Variants in NPAS1 observed in about 807,000 individuals in gnomAD.
The protein encoded by NPAS1 is neuronal PAS domain-containing protein 1.
In NPAS1, 29 loss-of-function variants were observed where a neutral mutation model predicts 49.2. That is an observed-to-expected ratio of 0.59 (90% CI 0.44 to 0.80). The LOEUF (loss-of-function observed/expected upper bound fraction) is 0.80, where lower values mean the gene tolerates loss of function less well. Ranked by LOEUF, NPAS1 falls within the 30% of genes least tolerant of loss-of-function variation. The pLI is 0.00. For missense variants in NPAS1, 825 were observed against 835.5 expected, an observed-to-expected ratio of 0.99 and a Z score of 0.15; for synonymous variants, 408 against 380.4, an observed-to-expected ratio of 1.07 and a Z score of -0.84.
intron 3 of NPAS1, among the ~76,000 whole-genome samples, chr19:47,025,709 A>T (rs1311074995): frequency 1.3e-5 from 2 of 151,278 alleles, no homozygotes; most frequent in African/African-American, 4.9e-5. Context: ...CCAAGTAGCC[A>T]GGACTACAGG....
intron 4 of NPAS1, 79 bp downstream of exon 4, chr19:47,032,430 C>A: frequency 6.8e-7 from 1 of 1,459,906 alleles, no homozygotes. Context: ...GCCTCTTCAG[C>A]ATCCATCTAT....
In NPAS1 at chr19:47,045,747, G is replaced by A; in HGVS notation, c.*96G>A. 8.7e-7 allele frequency: 1 copy of A among 1,145,952 alleles called. No individual in the cohort carries two copies. The highest frequency in any genetic ancestry group is 1.2e-6 in the Non-Finnish European group (1 of 855,502). 71.0% of individuals were successfully genotyped at this position (1,145,952 alleles called of 1,614,324 possible). A position where few individuals can be genotyped will look rare whatever the true frequency, so the allele number is the denominator to read the frequency against. On this transcript the variant is annotated 3_prime_UTR_variant, in exon 12 of 12. Transcript: ENST00000602212. ...CCCGTAGCCCTGAGAATTAAACGCC[G>A]GCTCTCCCTGCAGTGGTTTGGGCTC... is the stretch of plus-strand genomic sequence containing the variant.
rs550006810 is a variant in NPAS1, at chr19:47,025,928, G to GT, written c.358+4088dup. On this transcript the variant is annotated intron_variant, in intron 3 of 11. Coordinates refer to ENST00000602212, the MANE Select transcript of NPAS1 (RefSeq NM_002517.4). ...GGCACATCCTCGCTGAGGAAGTAAC[G>GT]TTTTTTTGTTTTTGTTTTTTGTTTT... 2.6e-3 allele frequency among the ~76,000 whole-genome samples: 395 copies of GT among 149,702 alleles called. 5 individuals are homozygous for GT. Among genetic ancestry groups the GT allele is most frequent in the African/African-American group, 9.3e-3 (377 of 40,654 alleles).
intron 6 of NPAS1, among the ~76,000 whole-genome samples, chr19:47,037,338 CAAAAAAAAA>C (rs869125845): frequency 1.9e-5 from 1 of 51,810 alleles, no homozygotes; most frequent in Non-Finnish European, 3.5e-5. Flanking sequence ...ACTCCGTCTC[CAAAAAAAAA>C]AAAAAAAAAA....
Position 47,042,823 on chromosome 19 carries a change from G to C in NPAS1, c.1231G>C (p.Gly411Arg). 6.2e-7 allele frequency: 1 copy of C among 1,604,758 alleles called. No homozygotes were observed. ...TCTTCTCCCCAGCCAAGCCGAGGGTGGCCAAACTCCTTTGGATGCCTTCCA... is the reference window on the plus strand; with the variant it reads ...TCTTCTCCCCAGCCAAGCCGAGGGTCGCCAAACTCCTTTGGATGCCTTCCA... The part of the protein sequence containing the change: ...VSHVLSQAEG[G>R]QTPLDAFQLP... The change falls in exon 11 of 12, where the codon GGC becomes CGC. Residue 411 changes from glycine (G) to arginine (R), a missense_variant. Gly to Arg is a moderately radical substitution (Grantham distance 125, BLOSUM62 -2). Transcript: ENST00000602212.
Position 47,021,472 on chromosome 19 carries a change from G to A in NPAS1, c.123-140G>A. The A allele has an allele frequency of 1.7e-6, 1 of 601,728 alleles. No individual in the cohort carries two copies. The highest frequency in any genetic ancestry group is 2.8e-6 in the Non-Finnish European group (1 of 360,212). The allele number at this position is 601,728 out of a possible 1,614,324, so 37.3% of individuals were successfully genotyped here. A position where few individuals can be genotyped will look rare whatever the true frequency, so the allele number is the denominator to read the frequency against. On this transcript the variant is annotated intron_variant, in intron 2 of 11. Coordinates refer to ENST00000602212, the MANE Select transcript of NPAS1 (RefSeq NM_002517.4). This position sits in a 1 kb window ranked among gnomAD's most constrained non-coding sequence, Gnocchi z 5.7. ...GAGTGTAAAATCCACACTCCGGTCT[G>A]CTCCCACCTCCAGAGATGTGGAATC...
rs1477284928 is a variant in NPAS1, at chr19:47,025,367, C to G, written c.358+3520C>G. Among the ~76,000 whole-genome samples, 2 of 133,642 alleles carry G rather than the reference C, an allele frequency of 1.5e-5. 1 individual carries two copies. Among genetic ancestry groups the G allele is most frequent in the Non-Finnish European group, 3.4e-5 (2 of 59,360 alleles). The allele number at this position is 133,642 out of a possible 152,430, so 87.7% of individuals were successfully genotyped here. ...GATCTCGGCTCACTGCAACCTCCTT[C>G]TCCTGGGTTCAAGCGATTCTCCTGC... On this transcript the variant is annotated intron_variant, in intron 3 of 11. Transcript: ENST00000602212.
intron 3 of NPAS1, among the ~76,000 whole-genome samples, chr19:47,026,306 A>G (rs567741144): frequency 1.3e-5 from 2 of 152,288 alleles, no homozygotes; most frequent in East Asian, 3.9e-4. Context: ...GCTGGAAGAG[A>G]GTGACTCAGC....
intron 9 of NPAS1, 133 bp downstream of exon 9, chr19:47,040,683 C>A: frequency 3.1e-6 from 2 of 642,336 alleles, no homozygotes; most frequent in Non-Finnish European, 5.5e-6. Context: ...CCAGGGACTC[C>A]GTTTAGCATT....
rs1202021652 is a variant in NPAS1 at position 47,045,116 on chromosome 19, GCA to G, written c.1313-72_1313-71del. The G allele has an allele frequency of 2.8e-6, 4 of 1,425,842 alleles. No individual in the cohort carries two copies. The African/African-American group carries it at 5.7e-5, about 20-fold the overall frequency. The allele number at this position is 1,425,842 out of a possible 1,614,324, so 88.3% of individuals were successfully genotyped here. ...GAGAACTACAGGTCTGGCCCACTAA[GCA>G]CAGCTCCATTCCACAGATGGGAAGA... On this transcript the variant is annotated intron_variant, in intron 11 of 11. Coordinates refer to ENST00000602212, the MANE Select transcript of NPAS1 (RefSeq NM_002517.4).
intron 5 of NPAS1, among the ~76,000 whole-genome samples, chr19:47,033,335 G>A (rs1293163999): frequency 2.6e-5 from 4 of 151,702 alleles, no homozygotes; most frequent in Non-Finnish European, 5.9e-5. Context: ...CTGCCTCCTG[G>A]GTTCAAGCGA....
chr19:47,039,735 G>A (rs1012651282), intron 8 of NPAS1, among the ~76,000 whole-genome samples, 171 bp downstream of exon 8: 9 of 152,132 alleles, frequency 5.9e-5, no homozygotes, highest in African/African-American at 2.2e-4. Context: ...GGAAGGCAGG[G>A]GACCAGGGCG....
Position 47,039,498 on chromosome 19 carries a change from C to T in NPAS1, c.896C>T (p.Pro299Leu), listed in dbSNP as rs1184280532. The change falls in exon 8 of 12, where the codon CCA becomes CTA. Residue 299 changes from proline to leucine, a missense_variant. By Grantham distance (98) the Pro-to-Leu change is moderately conservative. Transcript: ENST00000602212. ...TLPPAPLAEL[P>L]LHGHMIVFRL... ...CCCCCGGCCCCCCTGGCTGAGCTGC[C>T]ACTCCATGGACACATGATCGTCTTC... The T allele has an allele frequency of 1.2e-6, 2 of 1,611,506 alleles. No individual in the cohort carries two copies. The highest frequency in any genetic ancestry group is 2.7e-5 in the African/African-American group (2 of 74,884).
At position 47,021,199 on chromosome 19, in the gene NPAS1, G is replaced by GACC. The variant is rs150309227; in HGVS notation, c.122+30_122+31insACC. On this transcript the variant is annotated intron_variant, in intron 2 of 11. Coordinates refer to ENST00000602212, the MANE Select transcript of NPAS1 (RefSeq NM_002517.4). The surrounding 1 kb of genome is among the most constrained non-coding windows in gnomAD (Gnocchi z 5.7). ...GCAAAGCCCCGCCCCCCTGGCCGCG[G>GACC]GCCCCCCCCCGGGTCCAATTCACAC... The GACC allele has an allele frequency of 3.3e-6, 5 of 1,495,962 alleles. No homozygotes were observed. The African/African-American group carries it at 5.7e-5, about 17-fold the overall frequency. 92.7% of individuals were successfully genotyped at this position (1,495,962 alleles called of 1,614,324 possible).
intron 3 of NPAS1, among the ~76,000 whole-genome samples, chr19:47,026,965 A>AG (rs1428325012): frequency 2.0e-5 from 3 of 151,932 alleles, no homozygotes; most frequent in Non-Finnish European, 4.4e-5. Flanking sequence ...AAAAAAAAAA[A>AG]AGAGAGAGAG....
intron 6 of NPAS1, among the ~76,000 whole-genome samples, chr19:47,036,820 T>C (rs868822716): frequency 1.3e-5 from 2 of 151,604 alleles, no homozygotes; most frequent in Admixed American, 6.6e-5. Context: ...AGATGGATGT[T>C]GCAGTGAGCA....
At chr19:47,035,606 C>T (rs1255146980) in intron 5 of NPAS1, among the ~76,000 whole-genome samples, 1 of 152,150 alleles carries the variant, frequency 6.6e-6, no homozygotes. Context: ...CTGGGACACC[C>T]AGTGATTCAT....
chr19:47,032,869 T>G (rs1394059778), intron 5 of NPAS1, 137 bp downstream of exon 5: 1 of 657,124 alleles, frequency 1.5e-6, no homozygotes, highest in Non-Finnish European at 2.7e-6. Context: ...CAAAGTGTGT[T>G]CCTTGGCACC....
At chr19:47,023,313 C>G (rs2056853275) in intron 3 of NPAS1, among the ~76,000 whole-genome samples, 1 of 152,178 alleles carries the variant, frequency 6.6e-6, no homozygotes, top group Non-Finnish European at 1.5e-5. Flanking sequence ...GTCCAGCCCC[C>G]CATTACCTGG....
Sources: allele counts gnomAD v4.1 joint callset (sites outside exome capture counted in the v4.1 genomes callset), GRCh38; gene constraint gnomAD v4.1.1; non-coding constraint Gnocchi (gnomAD v3.1); transcripts MANE v1.5; gene names NCBI Gene and HGNC (gene_info 2026-07-23, HGNC 2026-07-21).